TM4SF5: variants seen among roughly 807,000 people sequenced by gnomAD.
TM4SF5 encodes transmembrane 4 L6 family member 5.
TM4SF5 carries 16 observed loss-of-function variants against 22.3 expected under a neutral mutation model. That is an observed-to-expected ratio of 0.72 (90% confidence interval 0.49 to 1.09). The LOEUF is 1.09. TM4SF5 is among the 50% of genes least tolerant of loss of function. The pLI, the probability that TM4SF5 is intolerant of heterozygous loss-of-function variation, is 0.00. For missense variants in TM4SF5, 249 were observed against 266.1 expected (o/e 0.94, Z 0.45); for synonymous variants, 113 against 109.6 (o/e 1.03, Z -0.19).
intron 1 of TM4SF5, among the ~76,000 whole-genome samples, chr17:4,773,759 A>G (rs1417021170): frequency 1.3e-5 from 2 of 152,034 alleles, no homozygotes; most frequent in African/African-American, 4.8e-5. Context: ...ACACTTAGCC[A>G]TTGTCACGGG....
intron 1 of TM4SF5, among the ~76,000 whole-genome samples, chr17:4,772,718 GTTTTTT>G (rs748501797): frequency 1.4e-5 from 2 of 140,660 alleles, no homozygotes; most frequent in Admixed American, 1.4e-4. Flanking sequence ...TTTGTTTTTT[GTTTTTT>G]TTTTTTTTTG....
intron 1 of TM4SF5, among the ~76,000 whole-genome samples, chr17:4,773,035 G>T (rs1186671765): frequency 6.6e-6 from 1 of 152,116 alleles, no homozygotes; most frequent in African/African-American, 2.4e-5. Flanking sequence ...CTCCTGAGTA[G>T]CTGGGATTAC....
chr17:4,774,691 G>A (rs987536048), intron 1 of TM4SF5, among the ~76,000 whole-genome samples: 7 of 152,096 alleles, frequency 4.6e-5, no homozygotes, highest in African/African-American at 9.7e-5. Flanking sequence ...GCGGATCACC[G>A]AGGTCAGGAG....
intron 1 of TM4SF5, among the ~76,000 whole-genome samples, 179 bp from the exon 2 acceptor site, chr17:4,780,610 G>A (rs560747895): frequency 3.3e-5 from 5 of 152,252 alleles, no homozygotes; most frequent in East Asian, 1.9e-4. Flanking sequence ...AGGTAGGCAC[G>A]TAAATAAGGA....
chr17:4,774,486 A>G (rs1172844211), intron 1 of TM4SF5, among the ~76,000 whole-genome samples: 2 of 150,740 alleles, frequency 1.3e-5, no homozygotes, highest in Non-Finnish European at 3.0e-5. Context: ...GAAAGATTGC[A>G]GTGAGCTATG....
intron 1 of TM4SF5, among the ~76,000 whole-genome samples, chr17:4,775,710 T>C (rs1917191659): frequency 1.3e-5 from 2 of 152,134 alleles, no homozygotes; most frequent in African/African-American, 4.8e-5. Context: ...AAACAGATCA[T>C]TACCAGAAGC....
intron 1 of TM4SF5, among the ~76,000 whole-genome samples, chr17:4,773,090 A>T (rs1367149201): frequency 6.6e-6 from 1 of 151,908 alleles, no homozygotes; most frequent in Non-Finnish European, 1.5e-5. Flanking sequence ...TTTTCAGTAG[A>T]GACAGGGTTT....
rs529413039 is a variant in TM4SF5 at position 4,776,371 on chromosome 17, G to A, written c.177+4272G>A. Among the ~76,000 whole-genome samples the A allele has an allele frequency of 5.3e-5, 8 of 150,056 alleles. 1 individual carries two copies. In the South Asian group the frequency reaches 1.7e-3, roughly 32 times the overall value. ...GGCTGGAGTACAATGGCGCCATCTC[G>A]GCTCACTGCAACCTCTGACTCCCAG... On this transcript the variant is annotated intron_variant, in intron 1 of 4. Transcript: ENST00000270560.
chr17:4,781,063 T>C (rs1328015158), intron 2 of TM4SF5, among the ~76,000 whole-genome samples, 194 bp downstream of exon 2: 1 of 146,536 alleles, frequency 6.8e-6, no homozygotes, highest in African/African-American at 2.6e-5. Context: ...ACCTGCAATC[T>C]CGGCTACTTG....
intron 3 of TM4SF5, 36 bp downstream of exon 3, chr17:4,782,675 T>TGCC: frequency 6.2e-7 from 1 of 1,611,210 alleles, no homozygotes; most frequent in African/African-American, 1.3e-5. Flanking sequence ...CTCCATTCTC[T>TGCC]GCCTCTTCCC....
chr17:4,771,956 C>G lies in TM4SF5; in HGVS notation c.34C>G (p.Leu12Val). ...GGGAAAATGTGCCCGCTGTGTGGGG[C>G]TCTCCCTCATTACCCTCTGCCTCGT... Reference protein sequence around the residue: ...CTGKCARCVGLSLITLCLVCI... With the variant: ...CTGKCARCVGVSLITLCLVCI... The change falls in exon 1 of 5, where the codon CTC becomes GTC. Residue 12 changes from leucine (L) to valine (V), a missense_variant. Coordinates refer to ENST00000270560, the MANE Select transcript of TM4SF5 (RefSeq NM_003963.3). 1 of 1,614,220 alleles carries G rather than the reference C, an allele frequency of 6.2e-7. No individual in the cohort carries two copies.
chr17:4,782,710 G>A (rs1917335684), intron 3 of TM4SF5, 71 bp downstream of exon 3: 1 of 1,597,592 alleles, frequency 6.3e-7, no homozygotes, highest in Non-Finnish European at 8.5e-7. Context: ...CGTGGACTGG[G>A]ACACCTGGGC....
intron 1 of TM4SF5, among the ~76,000 whole-genome samples, chr17:4,778,648 A>G (rs1226721605): frequency 6.6e-6 from 1 of 152,130 alleles, no homozygotes; most frequent in East Asian, 1.9e-4. Flanking sequence ...GAAGCAAGAC[A>G]GCTGTGGAAT....
At chr17:4,779,548 T>A (rs1348702864) in intron 1 of TM4SF5, among the ~76,000 whole-genome samples, 1 of 151,126 alleles carries the variant, frequency 6.6e-6, no homozygotes, top group African/African-American at 2.4e-5. Context: ...TCATGGGAGG[T>A]GATGAGGGAT....
At chr17:4,782,694 T>C (rs761295067) in intron 3 of TM4SF5, 55 bp downstream of exon 3, 1 of 1,604,896 alleles carries the variant, frequency 6.2e-7, no homozygotes, top group Admixed American at 1.7e-5. Flanking sequence ...CCTCCCGCCC[T>C]TCCCCCGTGG....
At chr17:4,776,532 C>A (rs1488866770) in intron 1 of TM4SF5, among the ~76,000 whole-genome samples, 1 of 152,152 alleles carries the variant, frequency 6.6e-6, no homozygotes, top group African/African-American at 2.4e-5. Flanking sequence ...GAACTCCCAA[C>A]CTTAGGTGAT....
At position 4,780,832 on chromosome 17, in the gene TM4SF5, G is replaced by A; in HGVS notation, c.221G>A (p.Gly74Asp). The part of the protein sequence containing the change: ...GIAAVRAGGK[G>D]CCGAGCCGNR... ...GCAGCCGTTCGGGCAGGGGGCAAGG[G>A]CTGCTGTGGTGCTGGGTGCTGTGGA... Residue 74 changes from glycine to aspartate, a missense_variant, in exon 2 of 5, where the codon GGC (glycine) becomes GAC (aspartate). Physicochemically the swap from Gly to Asp is moderately conservative, Grantham distance 94. Coordinates refer to ENST00000270560, the MANE Select transcript of TM4SF5 (RefSeq NM_003963.3). 6.2e-7 allele frequency: 1 copy of A among 1,611,176 alleles called. No homozygotes were observed.
At chr17:4,774,329 G>C (rs1284322498) in intron 1 of TM4SF5, among the ~76,000 whole-genome samples, 1 of 152,178 alleles carries the variant, frequency 6.6e-6, no homozygotes, top group Middle Eastern at 3.2e-3. Flanking sequence ...CGGAAGCAAG[G>C]CTGGAAGTCC....
Position 4,783,103 on chromosome 17 carries a change from C to G in TM4SF5, c.580-11C>G. 1 of 1,614,204 alleles carries G rather than the reference C, an allele frequency of 6.2e-7. No individual in the cohort carries two copies. The highest frequency in any genetic ancestry group is 8.5e-7 in the Non-Finnish European group (1 of 1,180,026). ...GGTCCTGGCTGCGTTCTCACCTTCT[C>G]TTTTCCGCAGGACACACCTCACTGA... On this transcript the variant is annotated splice_polypyrimidine_tract_variant and intron_variant, in intron 4 of 4. Coordinates refer to ENST00000270560, the MANE Select transcript of TM4SF5 (RefSeq NM_003963.3).
Sources: allele counts gnomAD v4.1 joint callset (sites outside exome capture counted in the v4.1 genomes callset), GRCh38; gene constraint gnomAD v4.1.1; transcripts MANE v1.5; gene names NCBI Gene and HGNC (gene_info 2026-07-23, HGNC 2026-07-21).